The following SH3RF1 variants were observed in gnomAD, a reference collection of about 807,000 sequenced individuals.
The protein encoded by SH3RF1 is E3 ubiquitin-protein ligase SH3RF1.
SH3RF1 carries 32 observed loss-of-function variants against 74.0 expected under a neutral mutation model. That is an observed-to-expected ratio of 0.43 (90% CI 0.33 to 0.58). The LOEUF is 0.58. SH3RF1 is among the 20% of genes least tolerant of loss of function. The probability of loss-of-function intolerance (pLI) is 0.05; values close to 1 mark genes in which losing one functional copy is unlikely to be tolerated. For synonymous variants in SH3RF1, 396 were observed against 439.6 expected (o/e 0.90, Z 1.24); for missense variants, 954 against 1,130.9 (o/e 0.84, Z 2.24).
At chr4:169,186,781 C>A (rs1043678578) in intron 2 of SH3RF1, among the ~76,000 whole-genome samples, 8 of 149,344 alleles carry the variant, frequency 5.4e-5, no homozygotes, top group Non-Finnish European at 1.2e-4. Context: ...CTGAGGCAGG[C>A]GGATCACGAG....
intron 2 of SH3RF1, among the ~76,000 whole-genome samples, chr4:169,206,114 T>C (rs1730252973): frequency 6.6e-6 from 1 of 152,204 alleles, no homozygotes; most frequent in South Asian, 2.1e-4. Flanking sequence ...ATTTCAAGGA[T>C]TTTAGAACAG....
chr4:169,122,015 T>C, intron 7 of SH3RF1, 85 bp downstream of exon 7: 3 of 1,546,042 alleles, frequency 1.9e-6, no homozygotes, highest in Non-Finnish European at 2.6e-6. Flanking sequence ...CATCAGCTCA[T>C]GTCAGAAAGG....
At chr4:169,241,324 A>G (rs1417467104) in intron 2 of SH3RF1, among the ~76,000 whole-genome samples, 1 of 152,246 alleles carries the variant, frequency 6.6e-6, no homozygotes, top group African/African-American at 2.4e-5. Context: ...AATACTGGAA[A>G]TACATGCTAA....
rs543215070 is a variant in SH3RF1, at chr4:169,113,735, A to G, written c.2139+2534T>C. Among the ~76,000 whole-genome samples the G allele has an allele frequency of 3.5e-4, 53 of 152,324 alleles. No individual in the cohort carries two copies. In the South Asian group the frequency reaches 0.01, roughly 29 times the overall value. On this transcript the variant is annotated intron_variant, in intron 10 of 11. Coordinates refer to ENST00000284637, the MANE Select transcript of SH3RF1 (RefSeq NM_020870.4). ...AAGTGACAACAATCATGGAATTACT[A>G]AATTTATATCAACCAGAAGTCTCTT... is the stretch of plus-strand genomic sequence containing the variant.
chr4:169,202,895 G>A (rs892108110), intron 2 of SH3RF1, among the ~76,000 whole-genome samples: 2 of 152,118 alleles, frequency 1.3e-5, no homozygotes, highest in African/African-American at 2.4e-5. Context: ...TGTGCTTTCT[G>A]AGCAGGAAAA....
chr4:169,184,759 T>C (rs929993684), intron 2 of SH3RF1, among the ~76,000 whole-genome samples: 9 of 152,192 alleles, frequency 5.9e-5, no homozygotes, highest in African/African-American at 1.2e-4. Flanking sequence ...AAGAATAGAA[T>C]ATGCCAAAAC....
intron 2 of SH3RF1, among the ~76,000 whole-genome samples, chr4:169,211,641 C>T (rs966398421): frequency 2.6e-5 from 4 of 152,096 alleles, no homozygotes; most frequent in African/African-American, 9.7e-5. Flanking sequence ...AAATGAAGGC[C>T]TGCGTGCTTC....
At chr4:169,206,294 C>T (rs1021396839) in intron 2 of SH3RF1, among the ~76,000 whole-genome samples, 2 of 152,142 alleles carry the variant, frequency 1.3e-5, no homozygotes, top group Admixed American at 6.5e-5. Context: ...TTTGAAGTCC[C>T]ACTGGATTCA....
chr4:169,111,490 T>A (rs1733245378), intron 10 of SH3RF1, among the ~76,000 whole-genome samples: 1 of 151,780 alleles, frequency 6.6e-6, no homozygotes, highest in Non-Finnish European at 1.5e-5. Context: ...ATCTTGTACT[T>A]CTGGCCTCAA....
intron 11 of SH3RF1, among the ~76,000 whole-genome samples, chr4:169,105,866 A>G (rs1211733152): frequency 6.6e-5 from 10 of 152,200 alleles, no homozygotes; most frequent in Admixed American, 5.9e-4. Context: ...AGCCTGCGCA[A>G]CAGAGCAAGA....
At chr4:169,270,754 G>A (rs886472247) in intron 1 of SH3RF1, 105 bp downstream of exon 1, 1 of 152,198 alleles carries the variant, frequency 6.6e-6, no homozygotes, top group African/African-American at 2.4e-5. Context: ...GAGAGAGACC[G>A]ACCCAGGGCG....
chr4:169,199,951 A>G (rs188153759), intron 2 of SH3RF1, among the ~76,000 whole-genome samples: 1 of 151,976 alleles, frequency 6.6e-6, no homozygotes, highest in African/African-American at 2.4e-5. Context: ...CACCTAAAAC[A>G]TAAAGACATA....
At chr4:169,225,480 G>C (rs1027710674) in intron 2 of SH3RF1, among the ~76,000 whole-genome samples, 1 of 152,168 alleles carries the variant, frequency 6.6e-6, no homozygotes, top group Non-Finnish European at 1.5e-5. Context: ...CATGAGGAAG[G>C]GAAGTCATTT....
intron 2 of SH3RF1, among the ~76,000 whole-genome samples, chr4:169,249,718 G>A (rs900936476): frequency 1.3e-5 from 2 of 152,214 alleles, no homozygotes; most frequent in Non-Finnish European, 2.9e-5. Context: ...CCAGCAAGCT[G>A]TGACTCTTTA....
intron 2 of SH3RF1, among the ~76,000 whole-genome samples, chr4:169,200,699 T>A (rs970090942): frequency 2.0e-5 from 3 of 152,196 alleles, no homozygotes; most frequent in Admixed American, 6.5e-5. Flanking sequence ...CCCTTTACCA[T>A]TTAAAAATCT....
intron 2 of SH3RF1, among the ~76,000 whole-genome samples, chr4:169,195,961 G>A (rs1288448821): frequency 1.3e-5 from 2 of 152,028 alleles, no homozygotes; most frequent in African/African-American, 4.8e-5. Flanking sequence ...TTACAGGTGT[G>A]CACCATTATG....
intron 4 of SH3RF1, among the ~76,000 whole-genome samples, chr4:169,145,956 A>G (rs1378314596): frequency 7.3e-6 from 1 of 137,722 alleles, no homozygotes; most frequent in African/African-American, 2.7e-5. Context: ...TATTCTATAT[A>G]AAATATTACA....
At chr4:169,128,491 T>C (rs995118393) in intron 6 of SH3RF1, among the ~76,000 whole-genome samples, 1 of 152,194 alleles carries the variant, frequency 6.6e-6, no homozygotes, top group Non-Finnish European at 1.5e-5. Context: ...TAGCTTCCAT[T>C]TAAATACAAG....
chr4:169,218,329 G>GA (rs1730500936), intron 2 of SH3RF1, among the ~76,000 whole-genome samples: 1 of 134,660 alleles, frequency 7.4e-6, no homozygotes, highest in African/African-American at 2.7e-5. Flanking sequence ...ATAGAATACA[G>GA]ATTATAGAAT....
Sources: allele counts gnomAD v4.1 joint callset (sites outside exome capture counted in the v4.1 genomes callset), GRCh38; gene constraint gnomAD v4.1.1; transcripts MANE v1.5; gene names NCBI Gene and HGNC (gene_info 2026-07-23, HGNC 2026-07-21).